Variants in ENOX1 observed in about 807,000 individuals in gnomAD.
ENOX1 encodes the protein candidate growth-related and time keeping constitutive hydroquinone (NADH) oxidase.
In ENOX1, 42 loss-of-function variants were observed where a neutral mutation model predicts 82.5. The observed-to-expected ratio is 0.51, with a 90% CI of 0.40 to 0.66. The LOEUF is 0.66. ENOX1 is among the 30% of genes least tolerant of loss of function. The probability of loss-of-function intolerance (pLI) is 0.00; values close to 1 mark genes in which losing one functional copy is unlikely to be tolerated. For synonymous variants in ENOX1, 271 were observed against 282.2 expected, an observed-to-expected ratio of 0.96 and a Z score of 0.40; for missense variants, 608 against 811.6, an observed-to-expected ratio of 0.75 and a Z score of 3.05.
At chr13:43,434,586 A>T (rs1275809326) in intron 3 of ENOX1, among the ~76,000 whole-genome samples, 1 of 152,196 alleles carries the variant, frequency 6.6e-6, no homozygotes, top group Non-Finnish European at 1.5e-5. Flanking sequence ...TTAATGTGGG[A>T]CCCAACACCA....
At chr13:43,446,696 C>T (rs2056668109) in intron 3 of ENOX1, among the ~76,000 whole-genome samples, 1 of 152,214 alleles carries the variant, frequency 6.6e-6, no homozygotes, top group Non-Finnish European at 1.5e-5. Flanking sequence ...TCAGCCTTGG[C>T]TTGCCAGTTT....
intron 1 of ENOX1, among the ~76,000 whole-genome samples, chr13:43,677,074 C>T (rs1182561940): frequency 6.6e-6 from 1 of 151,890 alleles, no homozygotes; most frequent in African/African-American, 2.4e-5. Context: ...ATCTGCCCTA[C>T]AGAACCCTTT....
At chr13:43,714,431 C>T (rs576161776) in intron 1 of ENOX1, among the ~76,000 whole-genome samples, 306 of 152,116 alleles carry the variant, frequency 2.0e-3, no homozygotes, top group African/African-American at 5.2e-3. Context: ...CTATTAGGTC[C>T]GCTTGCTGCA....
At chr13:43,310,234 A>G (rs1593852415) in intron 11 of ENOX1, among the ~76,000 whole-genome samples, 1 of 146,042 alleles carries the variant, frequency 6.8e-6, no homozygotes, top group Non-Finnish European at 1.5e-5. Context: ...AGCCTCTGCC[A>G]GTGCTGAGGT....
At chr13:43,482,405 A>C (rs1466743283) in intron 3 of ENOX1, among the ~76,000 whole-genome samples, 1 of 152,230 alleles carries the variant, frequency 6.6e-6, no homozygotes, top group Non-Finnish European at 1.5e-5. Flanking sequence ...GCATGATTTC[A>C]TTCATATGAG....
In ENOX1 at chr13:43,500,912, C is replaced by T. The variant is rs1292833983; in HGVS notation, c.-218-16760G>A. Among the ~76,000 whole-genome samples, 5 of 151,388 alleles carry T rather than the reference C, an allele frequency of 3.3e-5. 1 individual carries two copies. The highest frequency in any genetic ancestry group is 1.2e-4 in the African/African-American group (5 of 41,280). On this transcript the variant is annotated intron_variant, in intron 2 of 16. Transcript: ENST00000690772. Reference sequence around the variant, plus strand: ...TTTTATGTACACCTCATGGTAATTACAAAAGTATAGTAGATACAAAAGATA... The same window carrying T: ...TTTTATGTACACCTCATGGTAATTATAAAAGTATAGTAGATACAAAAGATA...
chr13:43,754,352 TA>T (rs200762186), intron 1 of ENOX1, among the ~76,000 whole-genome samples: 55 of 147,994 alleles, frequency 3.7e-4, no homozygotes, highest in African/African-American at 9.8e-4. Flanking sequence ...TATTATTATT[TA>T]TTTTTTTTTT....
At chr13:43,448,573 G>C (rs191063763) in intron 3 of ENOX1, among the ~76,000 whole-genome samples, 1 of 152,152 alleles carries the variant, frequency 6.6e-6, no homozygotes, top group Non-Finnish European at 1.5e-5. Context: ...AAAGAAACAG[G>C]AAATGCAGCA....
At chr13:43,708,256 A>G (rs756223831) in intron 1 of ENOX1, among the ~76,000 whole-genome samples, 24 of 152,188 alleles carry the variant, frequency 1.6e-4, no homozygotes, top group Non-Finnish European at 3.1e-4. Context: ...CACATTGGGC[A>G]TGCAGCCCCT....
In ENOX1 at chr13:43,728,911, T is replaced by C. The variant is rs189709942; in HGVS notation, c.-285+57741A>G. Among the ~76,000 whole-genome samples the C allele has an allele frequency of 5.3e-5, 8 of 152,328 alleles. No homozygotes were observed. In the East Asian group the frequency reaches 1.4e-3, roughly 26 times the overall value. On this transcript the variant is annotated intron_variant, in intron 1 of 16. Coordinates refer to ENST00000690772, the MANE Select transcript of ENOX1 (RefSeq NM_001347969.2). ...GCAAATCAAAATATGGAAAGTATCATTAAGAATCTGACTGACTGGGAAAGA... is the reference window on the plus strand; with the variant it reads ...GCAAATCAAAATATGGAAAGTATCACTAAGAATCTGACTGACTGGGAAAGA...
At chr13:43,756,196 G>T (rs770901542) in intron 1 of ENOX1, among the ~76,000 whole-genome samples, 7 of 152,060 alleles carry the variant, frequency 4.6e-5, no homozygotes, top group Non-Finnish European at 1.0e-4. Context: ...GGAGGCCAAG[G>T]CAGGTGGATC....
At chr13:43,574,307 G>T (rs2080316918) in intron 2 of ENOX1, among the ~76,000 whole-genome samples, 1 of 152,124 alleles carries the variant, frequency 6.6e-6, no homozygotes, top group South Asian at 2.1e-4. Context: ...GGTCCTAAAA[G>T]GTTATAAAGA....
chr13:43,351,654 C>T (rs370080182), intron 8 of ENOX1, among the ~76,000 whole-genome samples: 7 of 144,940 alleles, frequency 4.8e-5, no homozygotes, highest in South Asian at 4.5e-4. Flanking sequence ...TCAATTCCCA[C>T]CTATGAGTGA....
chr13:43,745,902 C>T (rs1949996579), intron 1 of ENOX1, among the ~76,000 whole-genome samples: 2 of 152,182 alleles, frequency 1.3e-5, no homozygotes, highest in African/African-American at 4.8e-5. Flanking sequence ...TTTGCTTCCC[C>T]TTCCGCCATG....
In ENOX1 at chr13:43,361,347, G is replaced by A. The variant is rs577909887; in HGVS notation, c.314C>T (p.Pro105Leu). The stretch of plus-strand genomic sequence containing the variant: ...TTCTTTGACAACAGCCACTTCTGTT[G>A]GTGGTGGGGGAGGTACCAGTCCAAG... ...PGLGLVPPPP[P>L]TEVAVVKEII... The change falls in exon 6 of 17, where the codon CCA becomes CTA. Residue 105 changes from proline (P) to leucine (L), a missense_variant. By Grantham distance (98) the Pro-to-Leu change is moderately conservative (BLOSUM62 -3). Transcript: ENST00000690772. 3.8e-5 allele frequency: 62 copies of A among 1,613,948 alleles called. No individual in the cohort carries two copies. Among genetic ancestry groups the A allele is most frequent in the Admixed American group, 1.8e-4 (11 of 59,988 alleles).
chr13:43,220,686 G>A (rs1004403791), intron 16 of ENOX1, among the ~76,000 whole-genome samples: 6 of 152,124 alleles, frequency 3.9e-5, no homozygotes, highest in Admixed American at 2.0e-4. Context: ...ATGTAGTCAA[G>A]TGGGGAGTAT....
At chr13:43,513,284 G>T (rs915500602) in intron 2 of ENOX1, among the ~76,000 whole-genome samples, 2 of 152,084 alleles carry the variant, frequency 1.3e-5, no homozygotes, top group Non-Finnish European at 2.9e-5. Flanking sequence ...ACTCCAGCCT[G>T]GGTGATAGAG....
intron 1 of ENOX1, among the ~76,000 whole-genome samples, chr13:43,689,242 A>C (rs544919847): frequency 2.2e-4 from 34 of 152,320 alleles, no homozygotes; most frequent in African/African-American, 7.5e-4. Context: ...AAATACATAG[A>C]GAGGTCAAGA....
At chr13:43,410,965 C>G (rs1191045898) in intron 5 of ENOX1, among the ~76,000 whole-genome samples, 1 of 152,200 alleles carries the variant, frequency 6.6e-6, no homozygotes, top group Non-Finnish European at 1.5e-5. Flanking sequence ...GGAGCCCCTG[C>G]ACCAGACAGC....
Sources: allele counts gnomAD v4.1 joint callset (sites outside exome capture counted in the v4.1 genomes callset), GRCh38; gene constraint gnomAD v4.1.1; transcripts MANE v1.5; gene names NCBI Gene and HGNC (gene_info 2026-07-23, HGNC 2026-07-21).